ELF1: variants seen among roughly 807,000 people sequenced by gnomAD.
The protein encoded by ELF1 is ETS-related transcription factor Elf-1.
Under a neutral mutation model 59.9 loss-of-function variants are expected in ELF1, and 24 were observed. The observed-to-expected ratio is 0.40, with a 90% confidence interval of 0.29 to 0.56. The LOEUF is 0.56. Among genes scored for constraint, ELF1 ranks in the 20% least tolerant of loss-of-function variants. The pLI is 0.44. For missense variants in ELF1, 627 were observed against 742.2 expected (o/e 0.84, Z 1.80); for synonymous variants, 248 against 266.2 (o/e 0.93, Z 0.67).
intron 2 of ELF1, among the ~76,000 whole-genome samples, chr13:40,967,063 C>T (rs1005335556): frequency 1.3e-5 from 2 of 152,212 alleles, no homozygotes; most frequent in Non-Finnish European, 2.9e-5. Flanking sequence ...GCTATGAAAA[C>T]ACATCTTTGA....
chr13:40,956,073 A>T (rs897734724), intron 3 of ELF1, among the ~76,000 whole-genome samples: 1 of 149,422 alleles, frequency 6.7e-6, no homozygotes, highest in Non-Finnish European at 1.5e-5. Flanking sequence ...TGGGAGGTGT[A>T]CTCAACAGCT....
chr13:40,972,938 C>T (rs1307361448), intron 2 of ELF1, among the ~76,000 whole-genome samples: 1 of 151,954 alleles, frequency 6.6e-6, no homozygotes, highest in East Asian at 1.9e-4. Flanking sequence ...ACATTATTTC[C>T]GAATGTGTGT....
chr13:40,981,940 C>T (rs998922244), intron 2 of ELF1, 43 bp downstream of exon 2: 1 of 1,580,040 alleles, frequency 6.3e-7, no homozygotes, highest in African/African-American at 1.4e-5. Context: ...ATAGAAAAAT[C>T]ATAATAAAGT....
intron 1 of ELF1, chr13:40,993,143 G>C (rs954071134): frequency 1.9e-6 from 3 of 1,542,824 alleles, no homozygotes; most frequent in Non-Finnish European, 1.8e-6. Flanking sequence ...CTAGGACCTG[G>C]ATACTCTCCA....
chr13:40,933,799 A>G lies in ELF1; in HGVS notation c.1486T>C (p.Ser496Pro). Residue 496 changes from serine to proline, a missense_variant, in exon 9 of 9, where the codon TCA (serine) becomes CCA (proline). Ser to Pro is a moderately conservative substitution (Grantham distance 74, BLOSUM62 -1). This residue lies in a region of ELF1 where 361 missense variants were observed against 396.1 expected (regional missense o/e 0.91). Coordinates refer to ENST00000239882, the MANE Select transcript of ELF1 (RefSeq NM_172373.4). ...LQSQKAGSPP[S>P]IVLGPAQVQQ... ...ACCTGGGCAGGGCCCAAGACAATTG[A>G]AGGAGGAGAGCCCGCCTTTTGTGAC... The G allele has an allele frequency of 6.2e-7, 1 of 1,614,250 alleles. No individual in the cohort carries two copies. The highest frequency in any genetic ancestry group is 8.5e-7 in the Non-Finnish European group (1 of 1,180,040).
intron 1 of ELF1, among the ~76,000 whole-genome samples, chr13:41,031,818 C>CAA (rs3072004): frequency 8.3e-4 from 68 of 82,116 alleles, no homozygotes; most frequent in African/African-American, 2.2e-3. Context: ...GACTCCGTGT[C>CAA]AAAAAAAAAA....
rs181704939 is a variant in ELF1, at chr13:41,042,666, C to A, written c.-229+18172G>T. The stretch of plus-strand genomic sequence containing the variant: ...TCCTTTTTTATGGCTGCATAGTATT[C>A]CATGGTGTATATGTGCCACATTTTC... On this transcript the variant is annotated intron_variant, in intron 1 of 1. Transcript: ENST00000405737. 5.0e-3 allele frequency among the ~76,000 whole-genome samples: 762 copies of A among 152,266 alleles called. 5 individuals carry two copies. Among genetic ancestry groups the A allele is most frequent in the Middle Eastern group, 0.034 (10 of 294 alleles).
At position 40,932,261 on chromosome 13, in the gene ELF1, G is replaced by A. The variant is rs1179013539; in HGVS notation, c.*1164C>T. The A allele has an allele frequency of 6.6e-6, 1 of 151,866 alleles. No individual in the cohort carries two copies. The highest frequency in any genetic ancestry group is 1.5e-5 in the Non-Finnish European group (1 of 67,992). 9.4% of individuals were successfully genotyped at this position (151,866 alleles called of 1,614,324 possible). On this transcript the variant is annotated 3_prime_UTR_variant, in exon 9 of 9. Coordinates refer to ENST00000239882, the MANE Select transcript of ELF1 (RefSeq NM_172373.4). ...CATTAAATGTACATTATTTACAGTT[G>A]AAAAAGTAATCTAAAAACATTTCAT... is the stretch of plus-strand genomic sequence containing the variant.
At chr13:40,992,838 C>T (rs1873934592) in intron 1 of ELF1, 1 of 527,430 alleles carries the variant, frequency 1.9e-6, no homozygotes, top group South Asian at 2.2e-5. Context: ...TTCTGTTGAT[C>T]ACCTCTCTAA....
upstream of ELF1, among the ~76,000 whole-genome samples, chr13:41,024,264 T>C (rs1593400946): frequency 6.6e-6 from 1 of 152,138 alleles, no homozygotes; most frequent in African/African-American, 2.4e-5. Flanking sequence ...CAGGTGGAGG[T>C]CAGGCTTATG....
At chr13:40,987,366 A>G (rs1395581258) in intron 1 of ELF1, among the ~76,000 whole-genome samples, 1 of 150,186 alleles carries the variant, frequency 6.7e-6, no homozygotes, top group Non-Finnish European at 1.5e-5. Flanking sequence ...AGATTACCTG[A>G]GGTCAGGAGT....
At chr13:40,955,423 G>C (rs1871226938) in intron 3 of ELF1, among the ~76,000 whole-genome samples, 1 of 140,254 alleles carries the variant, frequency 7.1e-6, no homozygotes, top group African/African-American at 2.6e-5. Context: ...AAGGAGGTGG[G>C]GGGGTCAGCC....
At chr13:40,956,648 G>A (rs984669031) in intron 3 of ELF1, among the ~76,000 whole-genome samples, 2 of 150,200 alleles carry the variant, frequency 1.3e-5, no homozygotes, top group Non-Finnish European at 3.0e-5. Flanking sequence ...TTTTGCCTGG[G>A]TCTACTGACA....
intron 1 of ELF1, chr13:40,993,394 G>A (rs73469270): frequency 1.2e-6 from 1 of 813,816 alleles, no homozygotes; most frequent in Non-Finnish European, 2.1e-6. Context: ...CGATGGGTCT[G>A]GGGGGAGCGG....
At chr13:41,042,093 G>C (rs909197730) in intron 1 of ELF1, among the ~76,000 whole-genome samples, 1 of 152,122 alleles carries the variant, frequency 6.6e-6, no homozygotes, top group Non-Finnish European at 1.5e-5. Flanking sequence ...CACGATCTAA[G>C]CTCACTGCAA....
chr13:40,950,018 A>G, intron 4 of ELF1, 45 bp from the exon 5 acceptor site: 9 of 1,468,314 alleles, frequency 6.1e-6, no homozygotes, highest in Non-Finnish European at 8.2e-6. Context: ...TGTGTATTAT[A>G]AGTTAAAAAA....
At chr13:41,010,136 T>C (rs1874966292) in intron 1 of ELF1, among the ~76,000 whole-genome samples, 1 of 150,428 alleles carries the variant, frequency 6.6e-6, no homozygotes, top group South Asian at 2.1e-4. Flanking sequence ...CCAAGCATGG[T>C]GGCTCATGCC....
At chr13:41,010,513 A>ATGTG (rs1566188551) in intron 1 of ELF1, among the ~76,000 whole-genome samples, 124 of 132,482 alleles carry the variant, frequency 9.4e-4, no homozygotes, top group Admixed American at 7.1e-4. Context: ...GTGTGTGTGC[A>ATGTG]CACTTTCCTT....
Position 40,933,493 on chromosome 13 carries a change from T to G in ELF1, c.1792A>C (p.Ser598Arg), listed in dbSNP as rs746685386. 2.5e-6 allele frequency: 4 copies of G among 1,614,274 alleles called. No individual in the cohort carries two copies. The highest frequency in any genetic ancestry group is 1.1e-5 in the South Asian group (1 of 91,092). ...ACCTGAGAAGTAAATCCATTGGAAC[T>G]GGACACTACCATCACATAAGGCTGT... ...QPQPYVMVVS[S>R]SNGFTSQVAM... The change falls in exon 9 of 9, where the codon AGT becomes CGT. Residue 598 changes from serine to arginine, a missense_variant. Physicochemically the swap from Ser to Arg is moderately radical, Grantham distance 110. Coordinates refer to ENST00000239882, the MANE Select transcript of ELF1 (RefSeq NM_172373.4).
Sources: gnomAD v4.1 joint callset for allele counts (sites outside exome capture counted in the v4.1 genomes callset) on GRCh38, gnomAD v4.1.1 for gene constraint, gnomAD v4.1.1 regional missense constraint, MANE v1.5 for transcripts, NCBI Gene and HGNC (gene_info 2026-07-23, HGNC 2026-07-21) for gene names.